Variants in RAB33A observed in about 807,000 individuals in gnomAD.
RAB33A encodes the protein RAB33A, member RAS oncogene family, also known as ras-related protein Rab-33A.
A neutral mutation model predicts 12.0 loss-of-function variants in RAB33A; 6 were observed. The observed-to-expected ratio is 0.50, with a 90% confidence interval of 0.27 to 0.99. RAB33A has a LOEUF of 0.99. RAB33A is among the 50% of genes least tolerant of loss of function. The probability of loss-of-function intolerance (pLI) is 0.11; values close to 1 mark genes in which losing one functional copy is unlikely to be tolerated. For synonymous variants in RAB33A, 70 were observed against 82.4 expected (o/e 0.85, Z 0.81); for missense variants, 109 against 192.0 (o/e 0.57, Z 2.55).
At chrX:130,138,942 A>G in the RAB33A span, among the ~76,000 whole-genome samples, 1 of 111,596 alleles carries the variant, frequency 9.0e-6, no homozygotes, top group Non-Finnish European at 1.9e-5. Context: ...GACATCTGGC[A>G]ATATCTGAAG....
At chrX:130,157,749 G>A in the RAB33A span, among the ~76,000 whole-genome samples, 1 of 102,388 alleles carries the variant, frequency 9.8e-6, no homozygotes, top group African/African-American at 3.6e-5. Flanking sequence ...GGCAGATCAC[G>A]AGGTCAAGAG....
At chrX:130,126,529 A>C in the RAB33A span, among the ~76,000 whole-genome samples, 1 of 110,185 alleles carries the variant, frequency 9.1e-6, no homozygotes, top group African/African-American at 3.3e-5. Flanking sequence ...AAGAATTTGG[A>C]CCCCAGGATC....
chrX:130,147,684 A>G, the RAB33A span: 10 of 1,211,583 alleles, frequency 8.3e-6, no homozygotes, highest in Admixed American at 2.2e-5. Flanking sequence ...CAAATGTCAA[A>G]GCATTCACAT....
At chrX:130,149,208 C>T in the RAB33A span, among the ~76,000 whole-genome samples, 2 of 111,715 alleles carry the variant, frequency 1.8e-5, no homozygotes, top group Non-Finnish European at 3.8e-5. Context: ...AGGCGTGAGC[C>T]ACCGTGCCCA....
the RAB33A span, chrX:130,147,834 T>C: frequency 4.1e-6 from 5 of 1,211,868 alleles, no homozygotes; most frequent in Non-Finnish European, 5.6e-6. Context: ...GAAAGGAACA[T>C]GACTTGGCGC....
At chrX:130,164,545 AT>A in the RAB33A span, among the ~76,000 whole-genome samples, 3 of 111,178 alleles carry the variant, frequency 2.7e-5, no homozygotes, top group Non-Finnish European at 3.8e-5. Flanking sequence ...AGGATTACTG[AT>A]TTTTTTTTCA....
chrX:130,113,073 C>CTTT, the RAB33A span, among the ~76,000 whole-genome samples: 1 of 70,618 alleles, frequency 1.4e-5, no homozygotes, highest in Non-Finnish European at 2.6e-5. Flanking sequence ...TTTTTTTTTT[C>CTTT]CTTCTTTTTT....
the RAB33A span, among the ~76,000 whole-genome samples, chrX:130,161,684 C>T: frequency 2.9e-5 from 3 of 103,859 alleles, no homozygotes; most frequent in South Asian, 4.7e-4. Context: ...CTCGGTTCAC[C>T]GCAACCTCCA....
chrX:130,158,704 T>TAAAAAAAAAAAAA, the RAB33A span, among the ~76,000 whole-genome samples: 1 of 44,078 alleles, frequency 2.3e-5, no homozygotes, highest in African/African-American at 8.9e-5. Context: ...GCTGATGAGC[T>TAAAAAAAAAAAAA]AAAAAAAAAA....
At chrX:130,165,519 G>C in the RAB33A span, 1 of 1,135,275 alleles carries the variant, frequency 8.8e-7, no homozygotes, top group Non-Finnish European at 1.2e-6. Context: ...CAGGCCCTCG[G>C]ACTTGGAGGT....
chrX:130,176,550 G>A (rs1327323245), intron 1 of RAB33A, among the ~76,000 whole-genome samples: 1 of 111,888 alleles, frequency 8.9e-6, no homozygotes, highest in African/African-American at 3.3e-5. Context: ...ATTATCAAGT[G>A]GATGGAGGCT....
At chrX:130,168,964 T>A (rs2031574680), upstream of RAB33A, among the ~76,000 whole-genome samples, 1 of 110,241 alleles carries the variant, frequency 9.1e-6, no homozygotes, top group Non-Finnish European at 1.9e-5. Flanking sequence ...TCTCAGCACT[T>A]TGGGAGGCCA....
At chrX:130,147,728 C>T in the RAB33A span, 1 of 1,211,828 alleles carries the variant, frequency 8.3e-7, no homozygotes, top group African/African-American at 1.7e-5. Context: ...CCCTCTGTGC[C>T]AAGCAAAAAA....
chrX:130,113,601 T>A, the RAB33A span, among the ~76,000 whole-genome samples: 59 of 110,335 alleles, frequency 5.3e-4, 1 homozygote, highest in East Asian at 0.016. Context: ...TTTTTGTATT[T>A]TTAGTAGAGA....
At chrX:130,135,945 A>G in the RAB33A span, 2 of 1,087,187 alleles carry the variant, frequency 1.8e-6, no homozygotes, top group African/African-American at 1.8e-5. Flanking sequence ...CTCTGACCCT[A>G]TTTGGTTAGG....
At chrX:130,130,519 T>C in the RAB33A span, among the ~76,000 whole-genome samples, 1 of 112,588 alleles carries the variant, frequency 8.9e-6, no homozygotes, top group Admixed American at 9.4e-5. Context: ...ATTCTAGAGC[T>C]GCATGGTCCA....
the RAB33A span, among the ~76,000 whole-genome samples, chrX:130,132,397 G>A: frequency 2.7e-5 from 3 of 112,579 alleles, no homozygotes; most frequent in African/African-American, 9.7e-5. Context: ...CATTTGGAAA[G>A]TGATGAGGTT....
At chrX:130,137,860 C>G in the RAB33A span, 2 of 525,716 alleles carry the variant, frequency 3.8e-6, no homozygotes, top group African/African-American at 5.1e-5. Flanking sequence ...GTTGGGAGTT[C>G]AAGACCAGCC....
At chrX:130,132,162 G>A in the RAB33A span, among the ~76,000 whole-genome samples, 6 of 111,361 alleles carry the variant, frequency 5.4e-5, no homozygotes, top group African/African-American at 1.3e-4. Context: ...GTGAGCCACC[G>A]CACCCGACCA....
Sources: gnomAD v4.1 joint callset for allele counts (sites outside exome capture counted in the v4.1 genomes callset) on GRCh38, gnomAD v4.1.1 for gene constraint, MANE v1.5 for transcripts, NCBI Gene and HGNC (gene_info 2026-07-23, HGNC 2026-07-21) for gene names.